NCOR1: variants seen among roughly 807,000 people sequenced by gnomAD.
The protein encoded by NCOR1 is protein phosphatase 1, regulatory subunit 109.
Under a neutral mutation model 288.1 loss-of-function variants are expected in NCOR1, and 63 were observed. The ratio of observed to expected loss-of-function variants is 0.22; its 90% CI spans 0.18 to 0.27. The LOEUF is 0.27. NCOR1 is among the 10% of genes least tolerant of loss of function. The pLI is 1.00. For synonymous variants in NCOR1, 1,007 were observed against 1,065.9 expected, an observed-to-expected ratio of 0.94 and a Z score of 1.08; for missense variants, 2,397 against 3,019.2, an observed-to-expected ratio of 0.79 and a Z score of 4.83.
intron 5 of NCOR1, among the ~76,000 whole-genome samples, chr17:16,160,183 GATA>G (rs1328080338): frequency 1.3e-5 from 2 of 152,054 alleles, no homozygotes; most frequent in Non-Finnish European, 2.9e-5. Flanking sequence ...ATAAGGTAGG[GATA>G]ATAATACTAC....
chr17:16,189,839 G>T (rs2087726100), intron 2 of NCOR1, among the ~76,000 whole-genome samples: 3 of 152,108 alleles, frequency 2.0e-5, no homozygotes, highest in African/African-American at 7.2e-5. Context: ...CATAATAAAA[G>T]CAGGCTTCTC....
intron 18 of NCOR1, among the ~76,000 whole-genome samples, chr17:16,117,492 T>C (rs1406564067): frequency 7.4e-6 from 1 of 135,466 alleles, no homozygotes; most frequent in Non-Finnish European, 1.6e-5. Context: ...AGGTTTCTCT[T>C]AAAACCAATC....
At chr17:16,174,087 A>T (rs748997309) in intron 3 of NCOR1, among the ~76,000 whole-genome samples, 2 of 152,242 alleles carry the variant, frequency 1.3e-5, no homozygotes, top group Non-Finnish European at 2.9e-5. Flanking sequence ...TCAAATTCAT[A>T]TGTTGGAAGA....
At position 16,194,641 on chromosome 17, in the gene NCOR1, T is replaced by A; in HGVS notation, c.-70-2A>T. On this transcript the variant is annotated splice_acceptor_variant, in intron 1 of 45. Coordinates refer to ENST00000268712, the MANE Select transcript of NCOR1 (RefSeq NM_006311.4). LOFTEE classifies it low-confidence loss of function (5UTR_SPLICE). The stretch of plus-strand genomic sequence containing the variant: ...ACAATCATGTTTCTAGGAAACCACC[T>A]AAACAGGATGAGAAAAAAACAGAAT... 1 of 920,916 alleles carries A rather than the reference T, an allele frequency of 1.1e-6. No homozygotes were observed. The highest frequency in any genetic ancestry group is 1.7e-6 in the Non-Finnish European group (1 of 593,084). The allele number at this position is 920,916 out of a possible 1,614,324, so 57.0% of individuals were successfully genotyped here.
intron 31 of NCOR1, among the ~76,000 whole-genome samples, chr17:16,069,044 T>C (rs1347990468): frequency 1.3e-5 from 2 of 152,054 alleles, no homozygotes; most frequent in African/African-American, 2.4e-5. Flanking sequence ...TGTGGTGAAA[T>C]ATACATAACA....
rs1973874035 is a variant in NCOR1, at chr17:16,034,926, T to G, written c.6974A>C (p.Lys2325Thr). ...SPHSGGVCKP[K>T]LISKSNSRKS... ...CCTGCTGTTTGACTTGCTGATCAGC[T>G]TTGGTTTGCAAACTCCTCCTGAAAG... Residue 2325 changes from lysine (K) to threonine (T), a missense_variant, in exon 45 of 46, where the codon AAG becomes ACG. Physicochemically the swap from Lys to Thr is moderately conservative, Grantham distance 78. Coordinates refer to ENST00000268712, the MANE Select transcript of NCOR1 (RefSeq NM_006311.4). 4.3e-6 allele frequency: 7 copies of G among 1,614,010 alleles called. No homozygotes were observed. Among genetic ancestry groups the G allele is most frequent in the Non-Finnish European group, 5.9e-6 (7 of 1,179,972 alleles).
chr17:16,143,912 C>G (rs1037850096), intron 10 of NCOR1, among the ~76,000 whole-genome samples: 50 of 152,260 alleles, frequency 3.3e-4, no homozygotes, highest in African/African-American at 1.2e-3. Context: ...GTTACATGTT[C>G]ATGTTCAAAT....
In NCOR1 at chr17:16,061,551, G is replaced by A; in HGVS notation, c.5731C>T (p.Pro1911Ser). ...SEAGKDKGPP[P>S]KSRYEEELRT... Reference sequence around the variant, plus strand: ...AGCTCTTCCTCATATCTGGATTTTGGAGGAGGCCCTTTATCTTTCCCAGCC... The same window carrying A: ...AGCTCTTCCTCATATCTGGATTTTGAAGGAGGCCCTTTATCTTTCCCAGCC... The change falls in exon 37 of 46, where the codon CCA becomes TCA. Residue 1911 changes from proline to serine, a missense_variant. By Grantham distance (74) the Pro-to-Ser change is moderately conservative. Coordinates refer to ENST00000268712, the MANE Select transcript of NCOR1 (RefSeq NM_006311.4). 6.2e-7 allele frequency: 1 copy of A among 1,614,232 alleles called. No homozygotes were observed. The highest frequency in any genetic ancestry group is 8.5e-7 in the Non-Finnish European group (1 of 1,180,042).
intron 5 of NCOR1, among the ~76,000 whole-genome samples, chr17:16,161,374 CT>C (rs2080839291): frequency 6.6e-6 from 1 of 152,152 alleles, no homozygotes; most frequent in South Asian, 2.1e-4. Context: ...ACTGCAACCT[CT>C]GCCTCCCGGG....
chr17:16,084,805 A>G (rs908503885), intron 23 of NCOR1, among the ~76,000 whole-genome samples: 2 of 152,230 alleles, frequency 1.3e-5, no homozygotes, highest in Non-Finnish European at 2.9e-5. Flanking sequence ...ACAAAAATTA[A>G]TTTGAGACTG....
At position 16,070,349 on chromosome 17, in the gene NCOR1, G is replaced by C; in HGVS notation, c.4329C>G (p.Thr1443=). The C allele has an allele frequency of 6.2e-7, 1 of 1,614,114 alleles. No homozygotes were observed. Among genetic ancestry groups the C allele is most frequent in the Non-Finnish European group, 8.5e-7 (1 of 1,180,012 alleles). ...CCACTGACGTGTGCCGGGAACGCACGGTCTCGCCTGCTTTCACATCCTCAT... is the reference window on the plus strand; with the variant it reads ...CCACTGACGTGTGCCGGGAACGCACCGTCTCGCCTGCTTTCACATCCTCAT... The part of the protein sequence containing the change: ...GKYEDVKAGE[T]VRSRHTSVVS... The change falls in exon 31 of 46, where the codon ACC becomes ACG. Residue 1443 remains threonine (T), a synonymous_variant. Coordinates refer to ENST00000268712, the MANE Select transcript of NCOR1 (RefSeq NM_006311.4).
At chr17:16,165,981 T>C (rs2081938869) in intron 4 of NCOR1, among the ~76,000 whole-genome samples, 1 of 152,168 alleles carries the variant, frequency 6.6e-6, no homozygotes, top group Admixed American at 6.5e-5. Context: ...CTAAAATGTA[T>C]TAAATAATGA....
At chr17:16,207,274 T>C (rs951649056) in intron 1 of NCOR1, among the ~76,000 whole-genome samples, 13 of 152,248 alleles carry the variant, frequency 8.5e-5, no homozygotes, top group African/African-American at 2.9e-4. Context: ...ATCTCTATGT[T>C]ATTGCCAGGG....
chr17:16,121,299 T>C (rs2072963142), intron 15 of NCOR1, 30 bp from the exon 16 acceptor site: 1 of 1,594,046 alleles, frequency 6.3e-7, no homozygotes, highest in South Asian at 1.1e-5. Context: ...AAAACTTGTG[T>C]GATTCCAAAG....
intron 42 of NCOR1, chr17:16,044,642 G>A (rs999785805): frequency 1.1e-5 from 7 of 637,498 alleles, no homozygotes; most frequent in Admixed American, 1.9e-5. Context: ...CTCCGAGCTC[G>A]CCTGCATCTA....
chr17:16,190,590 C>G (rs561461780), intron 2 of NCOR1, among the ~76,000 whole-genome samples: 18 of 152,138 alleles, frequency 1.2e-4, no homozygotes, highest in African/African-American at 4.1e-4. Flanking sequence ...ATCTGCCCGC[C>G]TCAGCCTCCC....
At chr17:16,067,785 A>G in intron 32 of NCOR1, 109 bp downstream of exon 32, 1 of 1,077,326 alleles carries the variant, frequency 9.3e-7, no homozygotes, top group East Asian at 2.6e-5. Flanking sequence ...ACTGAGCTGT[A>G]CATTAATGAT....
rs2152736026 is a variant in NCOR1, at chr17:16,071,567, T to A, written c.3994A>T (p.Ile1332Phe). ...SPPIRAFEGA[I>F]TKGKPYDGIT... is the part of the protein sequence containing the mutation. The stretch of plus-strand genomic sequence containing the variant: ...CCATCATATGGTTTTCCTTTGGTAA[T>A]GGCACCTTCAAATGCTCGTATGGGA... Residue 1332 changes from isoleucine (I) to phenylalanine (F), a missense_variant, in exon 30 of 46, where the codon ATT (isoleucine) becomes TTT (phenylalanine). Physicochemically the swap from Ile to Phe is conservative, Grantham distance 21. Transcript: ENST00000268712. 1 of 1,614,134 alleles carries A rather than the reference T, an allele frequency of 6.2e-7. No individual in the cohort carries two copies. The highest frequency in any genetic ancestry group is 8.5e-7 in the Non-Finnish European group (1 of 1,180,026).
intron 20 of NCOR1, 36 bp from the exon 21 acceptor site, chr17:16,098,532 CA>C: frequency 6.4e-7 from 1 of 1,572,664 alleles, no homozygotes; most frequent in African/African-American, 1.4e-5. Context: ...TAAATGAATA[CA>C]TTTTTAAGAC....
Sources: allele counts gnomAD v4.1 joint callset (sites outside exome capture counted in the v4.1 genomes callset), GRCh38; gene constraint gnomAD v4.1.1; transcripts MANE v1.5; gene names NCBI Gene and HGNC (gene_info 2026-07-23, HGNC 2026-07-21).